The following DGKB variants were observed in gnomAD, a reference collection of about 807,000 sequenced individuals.
The protein encoded by DGKB is 90 kDa diacylglycerol kinase.
Under a neutral mutation model 114.3 loss-of-function variants are expected in DGKB, and 67 were observed. The ratio of observed to expected loss-of-function variants is 0.59; its 90% CI spans 0.48 to 0.72. DGKB has a LOEUF of 0.72. Among genes scored for constraint, DGKB ranks in the 30% least tolerant of loss-of-function variants. DGKB has a pLI of 0.00. For synonymous variants in DGKB, 398 were observed against 323.1 expected, an observed-to-expected ratio of 1.23 and a Z score of -2.49; for missense variants, 907 against 975.2, an observed-to-expected ratio of 0.93 and a Z score of 0.93.
intron 1 of DGKB, among the ~76,000 whole-genome samples, chr7:14,845,894 T>C (rs1423255593): frequency 6.6e-6 from 1 of 152,108 alleles, no homozygotes; most frequent in African/African-American, 2.4e-5. Flanking sequence ...GTGGCATTAT[T>C]TCACACATTT....
chr7:14,313,634 C>G (rs988254563), intron 23 of DGKB, among the ~76,000 whole-genome samples: 1 of 152,060 alleles, frequency 6.6e-6, no homozygotes, highest in Non-Finnish European at 1.5e-5. Context: ...GGGTCCTACG[C>G]CCACGGAGTC....
chr7:14,194,217 G>A (rs960352618), intron 23 of DGKB, among the ~76,000 whole-genome samples: 1 of 152,102 alleles, frequency 6.6e-6, no homozygotes, highest in African/African-American at 2.4e-5. Context: ...CAAAGGAAAT[G>A]GAATCAGCAC....
chr7:14,487,810 G>A (rs1432320475), intron 20 of DGKB, among the ~76,000 whole-genome samples: 2 of 150,824 alleles, frequency 1.3e-5, no homozygotes, highest in Non-Finnish European at 2.9e-5. Flanking sequence ...ATGAGGTCAA[G>A]CTATGTTGTC....
At position 14,542,049 on chromosome 7, in the gene DGKB, C is replaced by A. The variant is rs1414122328; in HGVS notation, c.1770+32163G>T. Among the ~76,000 whole-genome samples, 4 of 152,152 alleles carry A rather than the reference C, an allele frequency of 2.6e-5. No individual in the cohort carries two copies. The East Asian group carries it at 7.7e-4, about 29-fold the overall frequency. The stretch of plus-strand genomic sequence containing the variant: ...CAAATGTAAATAGATTTTTTGTCTG[C>A]AGTCAGAGTACTCTTCTTAAAACAC... On this transcript the variant is annotated intron_variant, in intron 20 of 25. Transcript: ENST00000402815.
intron 25 of DGKB, 116 bp downstream of exon 25, chr7:14,176,723 A>C (rs1475546006): frequency 6.5e-7 from 1 of 1,531,210 alleles, no homozygotes; most frequent in African/African-American, 1.4e-5. Context: ...CAACAAAAAG[A>C]CTATTTGCTG....
chr7:14,608,361 G>C (rs1329525316), intron 16 of DGKB, among the ~76,000 whole-genome samples: 1 of 151,636 alleles, frequency 6.6e-6, no homozygotes, highest in Non-Finnish European at 1.5e-5. Context: ...AATAGATGCA[G>C]AAAAAGCATT....
chr7:14,183,376 G>A (rs1419224617), intron 23 of DGKB, among the ~76,000 whole-genome samples: 1 of 152,152 alleles, frequency 6.6e-6, no homozygotes, highest in East Asian at 1.9e-4. Context: ...TTTTAAAAGG[G>A]GGTGGGTAGG....
At position 14,389,679 on chromosome 7, in the gene DGKB, T is replaced by A. The variant is rs537042833; in HGVS notation, c.1836-44288A>T. ...AAACCTGTAAAAAATGGACTGGTTG[T>A]TTGGTCGATTCTGGCAGAAAAGTAA... On this transcript the variant is annotated intron_variant, in intron 21 of 25. Transcript: ENST00000402815. 3.3e-5 allele frequency among the ~76,000 whole-genome samples: 5 copies of A among 152,326 alleles called. 1 individual carries two copies. The South Asian group carries it at 1.0e-3, about 32-fold the overall frequency.
rs1390407428 is a variant in DGKB, at chr7:14,335,683, T to G, written c.2122+2832A>C. On this transcript the variant is annotated intron_variant, in intron 23 of 25. Transcript: ENST00000402815. ...GTGCTTATAATGATTTTGTGTGAAT[T>G]TGAAATATATATAAATTTGAAATAC... Among the ~76,000 whole-genome samples the G allele has an allele frequency of 2.0e-5, 3 of 152,232 alleles. No homozygotes were observed. The South Asian group carries it at 6.2e-4, about 31-fold the overall frequency.
At chr7:14,216,391 A>T (rs1238464900) in intron 23 of DGKB, among the ~76,000 whole-genome samples, 1 of 152,082 alleles carries the variant, frequency 6.6e-6, no homozygotes, top group African/African-American at 2.4e-5. Context: ...TTTAAATATT[A>T]TTATGAACCC....
chr7:14,404,015 G>A (rs539892935), intron 21 of DGKB, among the ~76,000 whole-genome samples: 81 of 151,864 alleles, frequency 5.3e-4, no homozygotes, highest in Non-Finnish European at 1.0e-3. Context: ...AAAGTTCTTT[G>A]AGGAAAGTAG....
At chr7:14,443,715 G>A (rs981361860) in intron 21 of DGKB, among the ~76,000 whole-genome samples, 3 of 151,934 alleles carry the variant, frequency 2.0e-5, no homozygotes, top group African/African-American at 7.2e-5. Flanking sequence ...GCTTTACTAA[G>A]ACAAATTTGA....
chr7:14,589,023 G>T (rs187854882), intron 17 of DGKB, among the ~76,000 whole-genome samples: 1 of 152,064 alleles, frequency 6.6e-6, no homozygotes, highest in Admixed American at 6.6e-5. Flanking sequence ...CCTTATTCAT[G>T]AATGTAGTAT....
intron 21 of DGKB, among the ~76,000 whole-genome samples, chr7:14,418,195 T>C (rs543424793): frequency 1.6e-5 from 2 of 126,782 alleles, no homozygotes; most frequent in Non-Finnish European, 3.3e-5. Context: ...ATATAAAAAA[T>C]TTTATATTTA....
intron 20 of DGKB, among the ~76,000 whole-genome samples, chr7:14,543,496 T>C (rs919474562): frequency 6.6e-6 from 1 of 152,014 alleles, no homozygotes; most frequent in Admixed American, 6.6e-5. Context: ...ACAATAGAGT[T>C]AGAAGTTCTA....
intron 23 of DGKB, among the ~76,000 whole-genome samples, chr7:14,305,317 T>C (rs986367207): frequency 2.0e-5 from 3 of 152,182 alleles, no homozygotes; most frequent in African/African-American, 7.2e-5. Context: ...GTAAACACCA[T>C]GCTACTTACT....
chr7:14,772,731 A>C (rs1488576705), intron 2 of DGKB, among the ~76,000 whole-genome samples: 4 of 152,246 alleles, frequency 2.6e-5, no homozygotes, highest in African/African-American at 9.6e-5. Flanking sequence ...GTTGCTGTCT[A>C]TGGCATCAGC....
Position 14,660,974 on chromosome 7 carries a change from A to G in DGKB, c.1134+11955T>C, listed in dbSNP as rs879602123. 1.3e-3 allele frequency among the ~76,000 whole-genome samples: 200 copies of G among 149,490 alleles called. 1 individual carries two copies. Among genetic ancestry groups the G allele is most frequent in the Non-Finnish European group, 2.2e-3 (146 of 66,898 alleles). ...GGGGAAAGGATTCCCTATTTAATAA[A>G]TGGTGCTGGGAAAACTGGCTAGCCA... On this transcript the variant is annotated intron_variant, in intron 13 of 25. Transcript: ENST00000402815.
At chr7:14,523,738 C>T (rs1337393513) in intron 20 of DGKB, among the ~76,000 whole-genome samples, 1 of 151,884 alleles carries the variant, frequency 6.6e-6, no homozygotes, top group African/African-American at 2.4e-5. Context: ...AATCAAATTG[C>T]TGCTGAATAT....
Sources: allele counts gnomAD v4.1 joint callset (sites outside exome capture counted in the v4.1 genomes callset), GRCh38; gene constraint gnomAD v4.1.1; transcripts MANE v1.5; gene names NCBI Gene and HGNC (gene_info 2026-07-23, HGNC 2026-07-21).